TNKS2: variants seen among roughly 807,000 people sequenced by gnomAD.
TNKS2 encodes the protein tankyrase 2, also known as poly [ADP-ribose] polymerase tankyrase-2.
Under a neutral mutation model 137.6 loss-of-function variants are expected in TNKS2, and 72 were observed. That is an observed-to-expected ratio of 0.52 (90% confidence interval 0.43 to 0.64). TNKS2 has a LOEUF of 0.64. Among genes scored for constraint, TNKS2 ranks in the 30% least tolerant of loss-of-function variants. TNKS2 has a pLI of 0.00. For missense variants in TNKS2, 1,049 were observed against 1,410.2 expected (o/e 0.74, Z 4.10); for synonymous variants, 516 against 512.1 (o/e 1.01, Z -0.10).
chr10:91,819,660 A>T (rs1372142944), intron 5 of TNKS2, 103 bp downstream of exon 5: 4 of 941,452 alleles, frequency 4.2e-6, no homozygotes, highest in Non-Finnish European at 4.7e-6. Context: ...GAGAGTGCTG[A>T]TGTTTTAAGT....
At chr10:91,808,739 G>T (rs1211713300) in intron 1 of TNKS2, among the ~76,000 whole-genome samples, 2 of 152,150 alleles carry the variant, frequency 1.3e-5, no homozygotes, top group African/African-American at 4.8e-5. Flanking sequence ...AAATCTGAGG[G>T]TTGTGTATCT....
chr10:91,835,352 C>CA (rs1400396396), intron 12 of TNKS2, among the ~76,000 whole-genome samples: 1 of 147,050 alleles, frequency 6.8e-6, no homozygotes, highest in Non-Finnish European at 1.5e-5. Context: ...TGCAATGGTG[C>CA]AATCTCAGCT....
rs1842947349 is a variant in TNKS2, at chr10:91,865,379, G to A, written c.*2380G>A. 2.6e-5 allele frequency: 4 copies of A among 152,536 alleles called. No individual in the cohort carries two copies. The highest frequency in any genetic ancestry group is 9.7e-5 in the African/African-American group (4 of 41,436). The allele number at this position is 152,536 out of a possible 1,614,324, so 9.4% of individuals were successfully genotyped here. A position where few individuals can be genotyped will look rare whatever the true frequency, so the allele number is the denominator to read the frequency against. ...TAAACCACAATTGCAGGAAAACAAT[G>A]TAGTTCTGAGTCTAATAGTGATAAA... On this transcript the variant is annotated 3_prime_UTR_variant, in exon 27 of 27. Coordinates refer to ENST00000371627, the MANE Select transcript of TNKS2 (RefSeq NM_025235.4).
chr10:91,819,515 C>T lies in TNKS2; in HGVS notation c.591C>T (p.Leu197=), dbSNP rs767931640. 2 of 1,596,214 alleles carry T rather than the reference C, an allele frequency of 1.3e-6. No homozygotes were observed. Among genetic ancestry groups the T allele is most frequent in the Non-Finnish European group, 1.7e-6 (2 of 1,175,420 alleles). ...SGNEEKMMAL[L]TPLNVNCHAS... ...ATGAAGAAAAAATGATGGCTCTACT[C>T]ACACCATTAAATGTCAACTGCCACG... The change falls in exon 5 of 27, where the codon CTC becomes CTT. Residue 197 remains leucine, a synonymous_variant. Coordinates refer to ENST00000371627, the MANE Select transcript of TNKS2 (RefSeq NM_025235.4).
chr10:91,850,261 C>G lies in TNKS2; in HGVS notation c.2694+667C>G, dbSNP rs560554273. On this transcript the variant is annotated intron_variant, in intron 20 of 26. Coordinates refer to ENST00000371627, the MANE Select transcript of TNKS2 (RefSeq NM_025235.4). Reference sequence around the variant, plus strand: ...GCAGGCACCTATAATCCCACCTACTCGGGAGGCTGAGGCAAAGAATTGCTT... The same window carrying G: ...GCAGGCACCTATAATCCCACCTACTGGGGAGGCTGAGGCAAAGAATTGCTT... Among the ~76,000 whole-genome samples, 5 of 150,352 alleles carry G rather than the reference C, an allele frequency of 3.3e-5. No individual in the cohort carries two copies. The East Asian group carries it at 9.9e-4, about 30-fold the overall frequency.
intron 2 of TNKS2, among the ~76,000 whole-genome samples, chr10:91,815,543 G>A (rs983488293): frequency 1.3e-5 from 2 of 152,106 alleles, no homozygotes; most frequent in East Asian, 1.9e-4. Context: ...TCTGAATTGA[G>A]AGGTACTCTA....
At chr10:91,828,557 A>G in intron 9 of TNKS2, 151 bp downstream of exon 9, 1 of 851,414 alleles carries the variant, frequency 1.2e-6, no homozygotes, top group Non-Finnish European at 1.7e-6. Context: ...TTTAAACAGT[A>G]CCAAAAAATA....
At chr10:91,836,697 C>T (rs1392473392) in intron 12 of TNKS2, 2 of 985,114 alleles carry the variant, frequency 2.0e-6, no homozygotes, top group Non-Finnish European at 2.4e-6. Flanking sequence ...AATCATTATA[C>T]ACATTTACAT....
intron 18 of TNKS2, 84 bp from the exon 19 acceptor site, chr10:91,848,299 T>A: frequency 1.4e-6 from 2 of 1,417,484 alleles, no homozygotes; most frequent in Non-Finnish European, 1.9e-6. Flanking sequence ...CTGGGTTTTC[T>A]CATATTTTTA....
chr10:91,836,604 C>A (rs7912927), intron 12 of TNKS2: 306,752 of 981,386 alleles, frequency 0.31, 49,174 homozygotes, highest in South Asian at 0.5. Flanking sequence ...TACTTTTGCA[C>A]CATTCCAATG....
Position 91,798,587 on chromosome 10 carries a change from C to T in TNKS2, c.-104C>T, listed in dbSNP as rs1844045017. The T allele has an allele frequency of 2.5e-6, 3 of 1,177,846 alleles. No individual in the cohort carries two copies. The South Asian group carries it at 1.3e-4, about 51-fold the overall frequency. 73.0% of individuals were successfully genotyped at this position (1,177,846 alleles called of 1,614,324 possible). On this transcript the variant is annotated 5_prime_UTR_variant, in exon 1 of 27. Transcript: ENST00000371627. ...ACAGCAGGGAGCCAAGCGGCCCGGG[C>T]CCTGAGCGCGTCTTCTCCGGGGGGC...
chr10:91,841,841 C>G (rs1842217090), intron 15 of TNKS2, among the ~76,000 whole-genome samples: 1 of 151,842 alleles, frequency 6.6e-6, no homozygotes, highest in African/African-American at 2.4e-5. Context: ...AACAAGAATA[C>G]AGAGATTTAT....
chr10:91,809,658 T>G (rs907871340), intron 1 of TNKS2, among the ~76,000 whole-genome samples: 2 of 148,686 alleles, frequency 1.3e-5, no homozygotes, highest in African/African-American at 5.0e-5. Context: ...ACAGCGGGAC[T>G]CTGTCTCAAA....
intron 12 of TNKS2, among the ~76,000 whole-genome samples, chr10:91,834,843 G>A (rs894272643): frequency 1.3e-5 from 2 of 152,158 alleles, no homozygotes; most frequent in Non-Finnish European, 2.9e-5. Context: ...TATTCAGTTG[G>A]CTAGTGATAG....
At chr10:91,832,914 A>G (rs918920022) in intron 11 of TNKS2, among the ~76,000 whole-genome samples, 6 of 152,092 alleles carry the variant, frequency 3.9e-5, no homozygotes, top group African/African-American at 9.7e-5. Flanking sequence ...CTAGTGTTTT[A>G]TTACATATCT....
At chr10:91,818,684 C>T (rs1029972883) in intron 3 of TNKS2, among the ~76,000 whole-genome samples, 3 of 152,090 alleles carry the variant, frequency 2.0e-5, no homozygotes, top group Non-Finnish European at 4.4e-5. Context: ...AGGCGTGCCT[C>T]ACCACACCCA....
chr10:91,801,228 T>G (rs1197625829), intron 1 of TNKS2, among the ~76,000 whole-genome samples: 1 of 152,188 alleles, frequency 6.6e-6, no homozygotes, highest in Non-Finnish European at 1.5e-5. Flanking sequence ...TTAGTTCAAT[T>G]AAAAGAATAA....
intron 6 of TNKS2, among the ~76,000 whole-genome samples, chr10:91,821,904 T>C (rs1844903677): frequency 6.6e-6 from 1 of 152,182 alleles, no homozygotes; most frequent in Non-Finnish European, 1.5e-5. Flanking sequence ...TGGAACCATC[T>C]CTTGAAAGCA....
intron 16 of TNKS2, among the ~76,000 whole-genome samples, chr10:91,843,782 A>G (rs540785501): frequency 2.6e-4 from 39 of 152,302 alleles, no homozygotes; most frequent in African/African-American, 9.1e-4. Context: ...AAAATAATGC[A>G]AAATTTCTGC....
Sources: allele counts gnomAD v4.1 joint callset (sites outside exome capture counted in the v4.1 genomes callset), GRCh38; gene constraint gnomAD v4.1.1; transcripts MANE v1.5; gene names NCBI Gene and HGNC (gene_info 2026-07-23, HGNC 2026-07-21).